The following ANKRD30B variants were observed in gnomAD, a reference collection of about 807,000 sequenced individuals.
ANKRD30B encodes ankyrin repeat domain 30B, also known as ankyrin repeat domain-containing protein 30B.
ANKRD30B carries 144 observed loss-of-function variants against 202.2 expected under a neutral mutation model. The ratio of observed to expected loss-of-function variants is 0.71; its 90% CI spans 0.62 to 0.82. The LOEUF (loss-of-function observed/expected upper bound fraction) is 0.82. ANKRD30B is among the 40% of genes least tolerant of loss of function. The probability of loss-of-function intolerance (pLI) is 0.00; values close to 1 mark genes in which losing one functional copy is unlikely to be tolerated. For synonymous variants in ANKRD30B, 508 were observed against 561.3 expected (o/e 0.91, Z 1.34); for missense variants, 1,487 against 1,669.1 (o/e 0.89, Z 1.90).
At chr18:14,936,723 C>T in the ANKRD30B span, among the ~76,000 whole-genome samples, 2 of 152,198 alleles carry the variant, frequency 1.3e-5, no homozygotes, top group Non-Finnish European at 2.9e-5. Flanking sequence ...TCCACCATTT[C>T]CTGAAAGCCT....
chr18:14,869,707 A>G, the ANKRD30B span, among the ~76,000 whole-genome samples: 4 of 150,946 alleles, frequency 2.6e-5, no homozygotes, highest in Admixed American at 2.6e-4. Context: ...CATGATTACA[A>G]ATACTTCAGT....
chr18:14,797,073 A>T (rs1033319319), intron 18 of ANKRD30B, among the ~76,000 whole-genome samples: 1 of 152,184 alleles, frequency 6.6e-6, no homozygotes, highest in Non-Finnish European at 1.5e-5. Flanking sequence ...CAATCCATAG[A>T]AACAGGATGT....
intron 14 of ANKRD30B, among the ~76,000 whole-genome samples, chr18:14,786,327 T>C (rs1179357165): frequency 6.6e-6 from 1 of 152,190 alleles, no homozygotes; most frequent in Non-Finnish European, 1.5e-5. Context: ...GTTAGATTAC[T>C]TAAGGCAATT....
chr18:14,934,908 CCACACACACA>C, the ANKRD30B span, among the ~76,000 whole-genome samples: 59 of 134,686 alleles, frequency 4.4e-4, no homozygotes, highest in African/African-American at 1.1e-3. Flanking sequence ...CCTCCCTCTA[CCACACACACA>C]CACACACACA....
chr18:14,847,602 T>C (rs1479437743), intron 39 of ANKRD30B, among the ~76,000 whole-genome samples: 2 of 146,294 alleles, frequency 1.4e-5, no homozygotes, highest in African/African-American at 5.2e-5. Context: ...AAGTGCAATT[T>C]AGTTTTTAAA....
rs1231848847 is a variant in ANKRD30B at position 14,760,550 on chromosome 18, A to C, written c.756-4A>C. On this transcript the variant is annotated splice_polypyrimidine_tract_variant and splice_region_variant and intron_variant, in intron 5 of 43. Coordinates refer to ENST00000690538, the MANE Select transcript of ANKRD30B (RefSeq NM_001367607.2). ...AATTTTATTTATTACATTTTTATAC[A>C]TAGCATTCATCAACAACTTTTGGAA... 1 of 1,427,096 alleles carries C rather than the reference A, an allele frequency of 7.0e-7. No individual in the cohort carries two copies. Among genetic ancestry groups the C allele is most frequent in the African/African-American group, 1.4e-5 (1 of 69,314 alleles). The allele number at this position is 1,427,096 out of a possible 1,614,324, so 88.4% of individuals were successfully genotyped here. A position where few individuals can be genotyped will look rare whatever the true frequency, so the allele number is the denominator to read the frequency against.
the ANKRD30B span, among the ~76,000 whole-genome samples, chr18:14,898,902 A>G: frequency 3.3e-5 from 5 of 152,186 alleles, no homozygotes; most frequent in South Asian, 8.3e-4. Flanking sequence ...GCCCTTTCTC[A>G]TACAGTATGA....
chr18:14,901,243 A>C, the ANKRD30B span, among the ~76,000 whole-genome samples: 17 of 152,218 alleles, frequency 1.1e-4, no homozygotes, highest in Non-Finnish European at 1.6e-4. Flanking sequence ...CATTTCAAAA[A>C]GTGGTTTATA....
chr18:14,934,346 C>T, the ANKRD30B span, among the ~76,000 whole-genome samples: 1 of 152,218 alleles, frequency 6.6e-6, no homozygotes, highest in East Asian at 1.9e-4. Context: ...GATTCCTCTC[C>T]TTTCCCTCAC....
rs1235080877 is a variant in ANKRD30B at position 14,799,382 on chromosome 18, T to C, written c.2131+87T>C. On this transcript the variant is annotated intron_variant, in intron 22 of 43. Coordinates refer to ENST00000690538, the MANE Select transcript of ANKRD30B (RefSeq NM_001367607.2). ...AGCACCTTTTTATTCCCAATGTTGT[T>C]TTCTTTTCAAAATTGGATGGGAAAA... The C allele has an allele frequency of 5.6e-6, 7 of 1,255,402 alleles. No individual in the cohort carries two copies. The East Asian group carries it at 1.0e-4, about 19-fold the overall frequency. 77.8% of individuals were successfully genotyped at this position (1,255,402 alleles called of 1,614,324 possible). A position where few individuals can be genotyped will look rare whatever the true frequency, so the allele number is the denominator to read the frequency against.
At chr18:14,749,853 C>A (rs1486666820) in intron 1 of ANKRD30B, among the ~76,000 whole-genome samples, 2 of 151,502 alleles carry the variant, frequency 1.3e-5, no homozygotes, top group Non-Finnish European at 2.9e-5. Flanking sequence ...TTTCATAATT[C>A]TTTTAGGAAT....
At chr18:14,896,427 G>A in the ANKRD30B span, among the ~76,000 whole-genome samples, 278 of 151,990 alleles carry the variant, frequency 1.8e-3, 1 homozygote, top group African/African-American at 6.0e-3. Context: ...CACCGCGCCC[G>A]GCCTATCTGC....
the ANKRD30B span, among the ~76,000 whole-genome samples, chr18:14,871,783 G>A: frequency 3.9e-5 from 6 of 152,020 alleles, no homozygotes; most frequent in South Asian, 2.1e-4. Context: ...CCAGCTACTC[G>A]GGAAGCCGAG....
chr18:14,850,757 T>C (rs1297167844), intron 41 of ANKRD30B, among the ~76,000 whole-genome samples: 1 of 151,918 alleles, frequency 6.6e-6, no homozygotes, highest in Admixed American at 6.6e-5. Flanking sequence ...CATGGTTTTC[T>C]AAGTAGGGCT....
chr18:14,811,297 C>T (rs1408764699), intron 28 of ANKRD30B, among the ~76,000 whole-genome samples: 15 of 151,172 alleles, frequency 9.9e-5, no homozygotes, highest in Non-Finnish European at 2.9e-5. Context: ...CTGCAAGCTC[C>T]ACCTCCCGGC....
intron 36 of ANKRD30B, 30 bp from the exon 37 acceptor site, chr18:14,840,555 AAAG>A (rs918084424): frequency 1.8e-6 from 2 of 1,132,910 alleles, no homozygotes; most frequent in Non-Finnish European, 2.3e-6. Context: ...AATAGTAAAA[AAAG>A]AAATTATTTA....
At chr18:14,769,139 G>A (rs1916706011) in intron 7 of ANKRD30B, among the ~76,000 whole-genome samples, 1 of 152,272 alleles carries the variant, frequency 6.6e-6, no homozygotes, top group African/African-American at 2.4e-5. Flanking sequence ...AAATATGCAT[G>A]ATTCTTTTAA....
chr18:14,769,360 G>C lies in ANKRD30B; in HGVS notation c.1243G>C (p.Glu415Gln), dbSNP rs757413697. Residue 415 changes from glutamate to glutamine, a missense_variant, in exon 8 of 44, where the codon GAG (glutamate) becomes CAG (glutamine). Physicochemically the swap from Glu to Gln is conservative, Grantham distance 29. Transcript: ENST00000690538. ...TTTAATAGTGGATGTGAGTTCTGTA[G>C]AGCCTATATTCAGGTAAGACTTTGC... ...ASTNVDVSSV[E>Q]PIFSLFGTRT... 8.4e-6 allele frequency: 13 copies of C among 1,544,642 alleles called. No individual in the cohort carries two copies. In the South Asian group the frequency reaches 1.6e-4, roughly 19 times the overall value.
Position 14,837,233 on chromosome 18 carries a change from C to A in ANKRD30B, c.2870C>A (p.Thr957Asn), listed in dbSNP as rs1346224939. The change falls in exon 35 of 44, where the codon ACT becomes AAT. Residue 957 changes from threonine (T) to asparagine (N), a missense_variant. Transcript: ENST00000690538. ...TAGGAGGGAGCAACAAAGACAGTAACTGGACAACAGGAACGTGATATTGGC... is the reference window on the plus strand; with the variant it reads ...TAGGAGGGAGCAACAAAGACAGTAAATGGACAACAGGAACGTGATATTGGC... Reference protein sequence around the residue: ...TTKEGATKTVTGQQERDIGII... With the variant: ...TTKEGATKTVNGQQERDIGII... The A allele has an allele frequency of 7.1e-6, 11 of 1,547,998 alleles. No homozygotes were observed. Among genetic ancestry groups the A allele is most frequent in the Non-Finnish European group, 9.6e-6 (11 of 1,145,290 alleles).
Sources: allele counts gnomAD v4.1 joint callset (sites outside exome capture counted in the v4.1 genomes callset), GRCh38; gene constraint gnomAD v4.1.1; transcripts MANE v1.5; gene names NCBI Gene and HGNC (gene_info 2026-07-23, HGNC 2026-07-21).